GRM8: variants seen among roughly 807,000 people sequenced by gnomAD.
The protein encoded by GRM8 is glutamate metabotropic receptor 8.
A neutral mutation model predicts 87.2 loss-of-function variants in GRM8; 47 were observed. The observed-to-expected ratio is 0.54, with a 90% CI of 0.43 to 0.69. The LOEUF (loss-of-function observed/expected upper bound fraction) is 0.69. GRM8 is among the 30% of genes least tolerant of loss of function. The pLI, the probability that GRM8 is intolerant of heterozygous loss-of-function variation, is 0.00. For missense variants in GRM8, 1,019 were observed against 1,139.2 expected (o/e 0.89, Z 1.52); for synonymous variants, 396 against 404.5 (o/e 0.98, Z 0.25).
At chr7:126,494,031 A>T (rs1808390481) in intron 9 of GRM8, among the ~76,000 whole-genome samples, 1 of 151,904 alleles carries the variant, frequency 6.6e-6, no homozygotes. Context: ...CAAGAATCAC[A>T]CTCATGGCCA....
chr7:127,019,784 C>T (rs1816075734), intron 3 of GRM8, among the ~76,000 whole-genome samples: 1 of 151,996 alleles, frequency 6.6e-6, no homozygotes, highest in South Asian at 2.1e-4. Flanking sequence ...TTATGTTACC[C>T]AAAGCAAGTC....
chr7:126,653,312 AAAAAG>A (rs1804138947), intron 7 of GRM8, among the ~76,000 whole-genome samples: 1 of 151,440 alleles, frequency 6.6e-6, no homozygotes, highest in Non-Finnish European at 1.5e-5. Flanking sequence ...AAAAAAAAAA[AAAAAG>A]GCAAGGAGAG....
At chr7:126,493,202 T>C (rs1336561651) in intron 9 of GRM8, among the ~76,000 whole-genome samples, 1 of 151,862 alleles carries the variant, frequency 6.6e-6, no homozygotes, top group Admixed American at 6.6e-5. Context: ...AAGTGGAAAA[T>C]AGAGGGTAGA....
intron 9 of GRM8, among the ~76,000 whole-genome samples, chr7:126,476,387 C>G (rs1215810723): frequency 6.6e-6 from 1 of 152,150 alleles, no homozygotes; most frequent in African/African-American, 2.4e-5. Flanking sequence ...CCACTGCACT[C>G]TAGCCTGGGT....
At chr7:127,122,064 C>T (rs908816773) in intron 2 of GRM8, among the ~76,000 whole-genome samples, 3 of 152,190 alleles carry the variant, frequency 2.0e-5, no homozygotes, top group South Asian at 2.1e-4. Flanking sequence ...TCATTTCATA[C>T]ACCTACTTTA....
Position 127,226,879 on chromosome 7 carries a change from G to A in GRM8, c.510+15816C>T, listed in dbSNP as rs185644400. Among the ~76,000 whole-genome samples the A allele has an allele frequency of 1.4e-4, 21 of 152,272 alleles. 1 individual carries two copies. The East Asian group carries it at 2.1e-3, about 15-fold the overall frequency. On this transcript the variant is annotated intron_variant, in intron 2 of 10. Transcript: ENST00000339582. ...TTCTACCGGCTTGCACGCCTCCTAC[G>A]GGTGGGCTGATGTTTATTGTATTAG...
intron 7 of GRM8, among the ~76,000 whole-genome samples, chr7:126,625,167 A>C (rs547107750): frequency 6.6e-6 from 1 of 152,312 alleles, no homozygotes; most frequent in South Asian, 2.1e-4. Flanking sequence ...AATAGTGTAG[A>C]GTGAGTATCA....
At chr7:126,949,200 C>A (rs1807869747) in intron 3 of GRM8, among the ~76,000 whole-genome samples, 1 of 152,154 alleles carries the variant, frequency 6.6e-6, no homozygotes, top group African/African-American at 2.4e-5. Flanking sequence ...TGCAGTCAAG[C>A]ACCTTGCCTA....
At chr7:127,151,055 T>C (rs1828833757) in intron 2 of GRM8, among the ~76,000 whole-genome samples, 3 of 152,058 alleles carry the variant, frequency 2.0e-5, no homozygotes, top group African/African-American at 7.2e-5. Context: ...AGCACTTTCC[T>C]TCCTTGGGGA....
At chr7:126,683,160 G>A (rs985889939) in intron 7 of GRM8, among the ~76,000 whole-genome samples, 5 of 152,214 alleles carry the variant, frequency 3.3e-5, no homozygotes, top group African/African-American at 4.8e-5. Context: ...GGAAACCTGC[G>A]CAAGTGAGAA....
chr7:126,753,870 T>G (rs990923771), intron 7 of GRM8, among the ~76,000 whole-genome samples: 4 of 151,924 alleles, frequency 2.6e-5, no homozygotes, highest in African/African-American at 9.7e-5. Context: ...ACATTTTAAG[T>G]GATCTGAATC....
At chr7:126,711,085 G>A (rs1408605505) in intron 7 of GRM8, among the ~76,000 whole-genome samples, 11 of 152,222 alleles carry the variant, frequency 7.2e-5, no homozygotes, top group Admixed American at 6.5e-5. Context: ...TGAGGCATGA[G>A]AATCGCTTGA....
chr7:126,769,948 G>A lies in GRM8; in HGVS notation c.1274C>T (p.Pro425Leu). Residue 425 changes from proline (P) to leucine (L), a missense_variant, in exon 7 of 11, where the codon CCT becomes CTT. Physicochemically the swap from Pro to Leu is moderately conservative, Grantham distance 98. Coordinates refer to ENST00000339582, the MANE Select transcript of GRM8 (RefSeq NM_000845.3). Reference protein sequence around the residue: ...ALHNMHKDLCPGYIGLCPRMS... With the variant: ...ALHNMHKDLCLGYIGLCPRMS... ...TCGTGGACAAAGGCCAATGTATCCA[G>A]GGCAGAGATCTTTGTGCATATTGTG... The A allele has an allele frequency of 6.2e-7, 1 of 1,612,444 alleles. No homozygotes were observed. The highest frequency in any genetic ancestry group is 8.5e-7 in the Non-Finnish European group (1 of 1,178,700).
intron 6 of GRM8, among the ~76,000 whole-genome samples, chr7:126,787,897 T>C (rs913707816): frequency 6.6e-6 from 1 of 152,134 alleles, no homozygotes; most frequent in Non-Finnish European, 1.5e-5. Flanking sequence ...TCAGAGAAAT[T>C]CCTAAAACTT....
intron 8 of GRM8, among the ~76,000 whole-genome samples, chr7:126,579,980 G>A (rs2299471): frequency 7.9e-5 from 12 of 151,238 alleles, no homozygotes; most frequent in Admixed American, 7.9e-4. Flanking sequence ...AAAAGAAAAC[G>A]TGCTTATCCC....
intron 6 of GRM8, among the ~76,000 whole-genome samples, chr7:126,862,671 C>T (rs1798235821): frequency 6.6e-6 from 1 of 151,924 alleles, no homozygotes; most frequent in South Asian, 2.1e-4. Flanking sequence ...TTTAGATGTT[C>T]TCTTCCTATG....
intron 6 of GRM8, among the ~76,000 whole-genome samples, chr7:126,864,713 T>A (rs993154615): frequency 1.3e-5 from 2 of 152,204 alleles, no homozygotes; most frequent in African/African-American, 4.8e-5. Flanking sequence ...TGATTCTACT[T>A]CAGACTGATT....
intron 7 of GRM8, among the ~76,000 whole-genome samples, chr7:126,722,687 T>C (rs1171492596): frequency 2.0e-5 from 3 of 152,032 alleles, no homozygotes; most frequent in Non-Finnish European, 4.4e-5. Context: ...CATGATAACA[T>C]GTTCTCCCTT....
chr7:126,657,504 G>A (rs1478629725), intron 7 of GRM8, among the ~76,000 whole-genome samples: 4 of 151,984 alleles, frequency 2.6e-5, no homozygotes, highest in African/African-American at 9.7e-5. Context: ...AATTTCTAAC[G>A]TTTACTAATT....
Sources: allele counts gnomAD v4.1 joint callset (sites outside exome capture counted in the v4.1 genomes callset), GRCh38; gene constraint gnomAD v4.1.1; transcripts MANE v1.5; gene names NCBI Gene and HGNC (gene_info 2026-07-23, HGNC 2026-07-21).